The following ZMYM1 variants were observed in gnomAD, a reference collection of about 807,000 sequenced individuals.
ZMYM1 encodes the protein zinc finger MYM-type containing 1, also known as zinc finger MYM-type protein 1.
ZMYM1 carries 39 observed loss-of-function variants against 60.0 expected under a neutral mutation model. The observed-to-expected ratio is 0.65, with a 90% confidence interval of 0.50 to 0.85. The LOEUF (loss-of-function observed/expected upper bound fraction) is 0.85, where lower values mean the gene tolerates loss of function less well. ZMYM1 is among the 40% of genes least tolerant of loss of function. The pLI, the probability that ZMYM1 is intolerant of heterozygous loss-of-function variation, is 0.00. For synonymous variants in ZMYM1, 413 were observed against 454.0 expected (o/e 0.91, Z 1.15); for missense variants, 1,171 against 1,309.5 (o/e 0.89, Z 1.63).
intron 3 of ZMYM1, among the ~76,000 whole-genome samples, chr1:35,096,791 T>G (rs1199447276): frequency 1.3e-5 from 2 of 152,004 alleles, no homozygotes; most frequent in Non-Finnish European, 2.9e-5. Context: ...CCTCCACCTC[T>G]CAGGTTCAAG....
At chr1:35,083,710 C>A (rs956171808) in intron 1 of ZMYM1, among the ~76,000 whole-genome samples, 1 of 151,946 alleles carries the variant, frequency 6.6e-6, no homozygotes, top group South Asian at 2.1e-4. Flanking sequence ...GGAACTCTTT[C>A]CTGGGCTCAG....
At position 35,114,541 on chromosome 1, in the gene ZMYM1, G is replaced by C. The variant is rs1049684185; in HGVS notation, c.2711G>C (p.Arg904Thr). ...ATTTTGGAATGTTTATCATCTGAAA[G>C]AAATGACGTATACTTTAAAACAATC... ...EAILECLSSERNDVYFKTIWD... is the reference protein window; with the variant it reads ...EAILECLSSETNDVYFKTIWD... Residue 904 changes from arginine to threonine, a missense_variant, in exon 10 of 10, where the codon AGA becomes ACA. Arg to Thr is a moderately conservative substitution (Grantham distance 71, BLOSUM62 -1). Transcript: ENST00000359858. The C allele has an allele frequency of 1.9e-6, 3 of 1,610,424 alleles. No homozygotes were observed. In the African/African-American group the frequency reaches 4.0e-5, roughly 22 times the overall value.
In ZMYM1 at chr1:35,110,416, A is replaced by C. The variant is rs771089459; in HGVS notation, c.930A>C (p.Ala310=). The change falls in exon 7 of 10, where the codon GCA becomes GCC. Residue 310 remains alanine, a synonymous_variant. Coordinates refer to ENST00000359858, the MANE Select transcript of ZMYM1 (RefSeq NM_024772.5). The part of the protein sequence containing the change: ...ELFCSINCFS[A]YSKAKMESSS... ...TCTGCTCTATTAATTGTTTCTCTGC[A>C]TACAGTAAAGCTAAGATGGAATCTT... 6.4e-7 allele frequency: 1 copy of C among 1,563,518 alleles called. No individual in the cohort carries two copies.
chr1:35,068,513 TA>T (rs1361781129), intron 1 of ZMYM1, among the ~76,000 whole-genome samples: 1 of 149,652 alleles, frequency 6.7e-6, no homozygotes, highest in Non-Finnish European at 1.5e-5. Flanking sequence ...TAACAGAGGG[TA>T]GACAGTCAAG....
chr1:35,061,759 G>C lies in ZMYM1; in HGVS notation c.-301+1834G>C, dbSNP rs187506064. 2.1e-3 allele frequency among the ~76,000 whole-genome samples: 324 copies of C among 151,474 alleles called. 3 individuals carry two copies. The highest frequency in any genetic ancestry group is 7.5e-3 in the African/African-American group (308 of 41,248). On this transcript the variant is annotated intron_variant, in intron 1 of 10. Transcript: ENST00000417119. ...CCACTGCACTCCAGCCTGGGTGACA[G>C]AGCAAGACTCCGTGTCAAAAAAAGA...
At chr1:35,097,260 G>A (rs1643384318) in intron 3 of ZMYM1, 57 bp from the exon 4 acceptor site, 5 of 1,515,288 alleles carry the variant, frequency 3.3e-6, no homozygotes, top group East Asian at 2.3e-5. Flanking sequence ...ATAAAGGAAT[G>A]CCTACTTAAT....
In ZMYM1 at chr1:35,093,946, A is replaced by G. The variant is rs376833730; in HGVS notation, c.-42A>G. 5.9e-5 allele frequency: 83 copies of G among 1,415,106 alleles called. 1 individual carries two copies. In the East Asian group the frequency reaches 1.1e-3, roughly 18 times the overall value. 87.7% of individuals were successfully genotyped at this position (1,415,106 alleles called of 1,614,324 possible). A position where few individuals can be genotyped will look rare whatever the true frequency, so the allele number is the denominator to read the frequency against. On this transcript the variant is annotated 5_prime_UTR_variant, in exon 2 of 10. Transcript: ENST00000359858. The stretch of plus-strand genomic sequence containing the variant: ...GAAACTGTTCTTCAGGAAGAAACCC[A>G]TTAGTTTGGAACTGGAGAATTCCTT...
In ZMYM1 at chr1:35,100,808, C is replaced by CT. The variant is rs534389487; in HGVS notation, c.419+3254dup. ...AGTTGTTCCTAATTTGTTGGCGTTT[C>CT]TTTTTTTTTTTTGAGACAAGGTCCC... On this transcript the variant is annotated intron_variant, in intron 4 of 9. Coordinates refer to ENST00000359858, the MANE Select transcript of ZMYM1 (RefSeq NM_024772.5). Among the ~76,000 whole-genome samples, 343 of 143,990 alleles carry CT rather than the reference C, an allele frequency of 2.4e-3. 1 individual carries two copies. The highest frequency in any genetic ancestry group is 5.8e-3 in the South Asian group (26 of 4,466). The allele number at this position is 143,990 out of a possible 152,430, so 94.5% of individuals were successfully genotyped here.
intron 1 of ZMYM1, among the ~76,000 whole-genome samples, chr1:35,061,717 A>G (rs1641879853): frequency 6.6e-6 from 1 of 151,148 alleles, no homozygotes; most frequent in Admixed American, 6.6e-5. Flanking sequence ...CAGAGCTTGC[A>G]GTGAGCCGAG....
At chr1:35,061,628 T>C (rs1439054976) in intron 1 of ZMYM1, among the ~76,000 whole-genome samples, 1 of 151,082 alleles carries the variant, frequency 6.6e-6, no homozygotes, top group African/African-American at 2.4e-5. Flanking sequence ...AACAAAAAAT[T>C]AGCCGGGCAT....
upstream of ZMYM1, among the ~76,000 whole-genome samples, chr1:35,078,611 C>A (rs1202452208): frequency 8.1e-6 from 1 of 124,020 alleles, no homozygotes; most frequent in African/African-American, 3.0e-5. Flanking sequence ...TGCAGTGGTA[C>A]AATCTCAGCT....
At chr1:35,083,785 A>G (rs550544645) in intron 1 of ZMYM1, among the ~76,000 whole-genome samples, 3 of 151,554 alleles carry the variant, frequency 2.0e-5, no homozygotes, top group South Asian at 4.2e-4. Flanking sequence ...ATGCCCAGCT[A>G]ATTTTTCTAA....
chr1:35,099,736 T>A (rs1037933621), intron 4 of ZMYM1, among the ~76,000 whole-genome samples: 4 of 152,174 alleles, frequency 2.6e-5, no homozygotes, highest in Admixed American at 2.6e-4. Flanking sequence ...AGTTACTTAT[T>A]TATTTATTTT....
At chr1:35,086,285 C>T (rs1278400133) in intron 1 of ZMYM1, among the ~76,000 whole-genome samples, 1 of 151,966 alleles carries the variant, frequency 6.6e-6, no homozygotes, top group African/African-American at 2.4e-5. Context: ...CCAAAATTTT[C>T]AATATTGGGT....
In ZMYM1 at chr1:35,094,071, C is replaced by G. The variant is rs376519087; in HGVS notation, c.84C>G (p.Pro28=). Residue 28 remains proline, a synonymous_variant, in exon 2 of 10, where the codon CCC becomes CCG. Transcript: ENST00000359858. The part of the protein sequence containing the change: ...LGLLDEIKTE[P]DNAQEYCHRQ... Reference sequence around the variant, plus strand: ...TGCTAGATGAAATTAAGACAGAACCCGACAATGCTCAAGTAAATATTTTCC... The same window carrying G: ...TGCTAGATGAAATTAAGACAGAACCGGACAATGCTCAAGTAAATATTTTCC... 6.2e-7 allele frequency: 1 copy of G among 1,608,114 alleles called. No individual in the cohort carries two copies. Among genetic ancestry groups the G allele is most frequent in the African/African-American group, 1.3e-5 (1 of 74,708 alleles).
Position 35,111,887 on chromosome 1 carries a change from C to T in ZMYM1, c.1077C>T (p.Pro359=), listed in dbSNP as rs1463618899. The T allele has an allele frequency of 6.3e-7, 1 of 1,597,156 alleles. No homozygotes were observed. Among genetic ancestry groups the T allele is most frequent in the Admixed American group, 1.7e-5 (1 of 58,230 alleles). Residue 359 remains proline (P), a synonymous_variant, in exon 8 of 10, where the codon CCC becomes CCT. Transcript: ENST00000359858. Reference sequence around the variant, plus strand: ...TGGCAGACACCGATGTTGCCTTGCCCATCATGAACACTGATGTCTTACAAG... The same window carrying T: ...TGGCAGACACCGATGTTGCCTTGCCTATCATGAACACTGATGTCTTACAAG... The part of the protein sequence containing the change: ...VSLADTDVAL[P]IMNTDVLQDT...
At chr1:35,084,941 C>G (rs2148494646) in intron 1 of ZMYM1, among the ~76,000 whole-genome samples, 1 of 151,994 alleles carries the variant, frequency 6.6e-6, no homozygotes, top group South Asian at 2.1e-4. Context: ...TGGAAAGTCC[C>G]CTTACCAGTA....
chr1:35,094,182 C>T (rs1307842400), intron 2 of ZMYM1, 99 bp downstream of exon 2: 2 of 950,704 alleles, frequency 2.1e-6, no homozygotes, highest in Non-Finnish European at 3.1e-6. Flanking sequence ...AACTCAAATC[C>T]TTATCTCCTC....
In ZMYM1 at chr1:35,113,912, T is replaced by A; in HGVS notation, c.2082T>A (p.His694Gln). 1 of 1,613,908 alleles carries A rather than the reference T, an allele frequency of 6.2e-7. No homozygotes were observed. The highest frequency in any genetic ancestry group is 8.5e-7 in the Non-Finnish European group (1 of 1,179,904). The change falls in exon 10 of 10, where the codon CAT becomes CAA. Residue 694 changes from histidine (H) to glutamine (Q), a missense_variant. Physicochemically the swap from His to Gln is conservative, Grantham distance 24. Transcript: ENST00000359858. ...DTEEMTGTHLHRTIKTYLQQI... is the reference protein window; with the variant it reads ...DTEEMTGTHLQRTIKTYLQQI... ...AGGAGATGACTGGGACCCACTTACATAGGACTATCAAAACTTATCTGCAGC... is the reference window on the plus strand; with the variant it reads ...AGGAGATGACTGGGACCCACTTACAAAGGACTATCAAAACTTATCTGCAGC...
Sources: gnomAD v4.1 joint callset for allele counts (sites outside exome capture counted in the v4.1 genomes callset) on GRCh38, gnomAD v4.1.1 for gene constraint, MANE v1.5 for transcripts, NCBI Gene and HGNC (gene_info 2026-07-23, HGNC 2026-07-21) for gene names.